Variants in TRHDE observed in about 807,000 individuals in gnomAD.
TRHDE encodes thyrotropin releasing hormone degrading enzyme.
In TRHDE, 72 loss-of-function variants were observed where a neutral mutation model predicts 125.7. The ratio of observed to expected loss-of-function variants is 0.57; its 90% CI spans 0.47 to 0.70. The LOEUF (loss-of-function observed/expected upper bound fraction) is 0.70. TRHDE is among the 30% of genes least tolerant of loss of function. The pLI, the probability that TRHDE is intolerant of heterozygous loss-of-function variation, is 0.00. For synonymous variants in TRHDE, 509 were observed against 509.1 expected (o/e 1.00, Z 0.00); for missense variants, 1,110 against 1,327.1 (o/e 0.84, Z 2.54).
intron 15 of TRHDE, among the ~76,000 whole-genome samples, chr12:72,629,987 A>C (rs1383819337): frequency 6.6e-6 from 1 of 150,854 alleles, no homozygotes; most frequent in African/African-American, 2.4e-5. Context: ...AATATGGTAA[A>C]ATATGGAAGC....
At chr12:72,201,229 T>G (rs1189739777) in intron 2 of TRHDE, among the ~76,000 whole-genome samples, 1 of 151,990 alleles carries the variant, frequency 6.6e-6, no homozygotes, top group Non-Finnish European at 1.5e-5. Context: ...ATAAAAATAA[T>G]TAAAGGATAA....
At chr12:72,512,636 T>A (rs1878657334) in intron 6 of TRHDE, among the ~76,000 whole-genome samples, 1 of 142,718 alleles carries the variant, frequency 7.0e-6, no homozygotes, top group Non-Finnish European at 1.5e-5. Context: ...TATCATATTA[T>A]CATATATAAT....
At chr12:72,660,106 G>A (rs1156293105) in intron 18 of TRHDE, among the ~76,000 whole-genome samples, 1 of 152,168 alleles carries the variant, frequency 6.6e-6, no homozygotes, top group Non-Finnish European at 1.5e-5. Flanking sequence ...TCATGGGACA[G>A]GGGGCCCTTC....
At chr12:72,513,820 G>A (rs1430803737) in intron 6 of TRHDE, among the ~76,000 whole-genome samples, 1 of 152,030 alleles carries the variant, frequency 6.6e-6, no homozygotes, top group Non-Finnish European at 1.5e-5. Context: ...CCGAAGGTGA[G>A]AAGTTTAATG....
At chr12:72,440,179 G>A (rs1481664131) in intron 3 of TRHDE, among the ~76,000 whole-genome samples, 2 of 151,802 alleles carry the variant, frequency 1.3e-5, no homozygotes, top group Non-Finnish European at 2.9e-5. Context: ...TGTTGAGGAT[G>A]TTTACATTTA....
chr12:72,267,361 C>G (rs535481296), intron 2 of TRHDE, among the ~76,000 whole-genome samples: 54 of 152,158 alleles, frequency 3.5e-4, no homozygotes, highest in African/African-American at 1.3e-3. Context: ...TACTAATTCT[C>G]TCTTTGGATA....
chr12:72,430,321 G>GTATATATACATGTATACATA (rs1325464830), intron 3 of TRHDE, among the ~76,000 whole-genome samples: 5 of 143,432 alleles, frequency 3.5e-5, no homozygotes, highest in East Asian at 2.0e-4. Flanking sequence ...ATATATACAT[G>GTATATATACATGTATACATA]TATACATATA....
At chr12:72,268,321 T>C (rs1195900462), upstream of TRHDE, among the ~76,000 whole-genome samples, 1 of 152,164 alleles carries the variant, frequency 6.6e-6, no homozygotes, top group Non-Finnish European at 1.5e-5. Context: ...CATTAAAGTT[T>C]TAGTTTTTAA....
intron 3 of TRHDE, among the ~76,000 whole-genome samples, chr12:72,386,756 T>G (rs1872435538): frequency 6.6e-6 from 1 of 152,218 alleles, no homozygotes; most frequent in South Asian, 2.1e-4. Context: ...GCCTCCACAC[T>G]GCTAAATCCA....
chr12:72,422,757 T>C (rs1182920242), intron 3 of TRHDE, among the ~76,000 whole-genome samples: 1 of 152,120 alleles, frequency 6.6e-6, no homozygotes, highest in Non-Finnish European at 1.5e-5. Context: ...ATTTATGTCT[T>C]GAAAATGTAA....
At chr12:72,096,422 A>G (rs182054257) in intron 1 of TRHDE, among the ~76,000 whole-genome samples, 3 of 152,206 alleles carry the variant, frequency 2.0e-5, no homozygotes, top group East Asian at 3.8e-4. Flanking sequence ...TTTCTTCCTC[A>G]GTTATGGAGA....
chr12:72,118,056 C>T (rs555181327), intron 2 of TRHDE, among the ~76,000 whole-genome samples: 6 of 151,798 alleles, frequency 4.0e-5, no homozygotes, highest in Admixed American at 3.3e-4. Flanking sequence ...TTTGGATATC[C>T]TTTCTTTCTG....
intron 10 of TRHDE, among the ~76,000 whole-genome samples, chr12:72,570,722 T>C (rs1032588471): frequency 6.6e-6 from 1 of 152,144 alleles, no homozygotes; most frequent in East Asian, 1.9e-4. Flanking sequence ...TCAAACCATA[T>C]GTTTGCCTAA....
intron 6 of TRHDE, among the ~76,000 whole-genome samples, chr12:72,539,068 C>T: frequency 6.6e-6 from 1 of 151,860 alleles, no homozygotes; most frequent in East Asian, 1.9e-4. Context: ...CATGCAAATG[C>T]CTTTTGTTTA....
At chr12:72,569,606 A>C (rs1354683040) in intron 10 of TRHDE, among the ~76,000 whole-genome samples, 1 of 152,216 alleles carries the variant, frequency 6.6e-6, no homozygotes, top group Non-Finnish European at 1.5e-5. Flanking sequence ...AAACGTTGTT[A>C]CAGTAAAATC....
At position 72,637,339 on chromosome 12, in the gene TRHDE, T is replaced by C. The variant is rs1450875052; in HGVS notation, c.2676-14983T>C. Among the ~76,000 whole-genome samples the C allele has an allele frequency of 2.4e-4, 37 of 152,286 alleles. 1 individual carries two copies. In the Middle Eastern group the frequency reaches 0.01, roughly 42 times the overall value. On this transcript the variant is annotated intron_variant, in intron 15 of 18. Transcript: ENST00000261180. ...ATGGTAGTTTGTATTTCTGTGGGAT[T>C]GGTGGTGATATCCCCTTTATCATCT... is the stretch of plus-strand genomic sequence containing the variant.
At chr12:72,134,536 C>T (rs1875938082) in intron 2 of TRHDE, among the ~76,000 whole-genome samples, 1 of 152,008 alleles carries the variant, frequency 6.6e-6, no homozygotes, top group Non-Finnish European at 1.5e-5. Flanking sequence ...AATGCATTGC[C>T]ATCAATATAT....
intron 1 of TRHDE, among the ~76,000 whole-genome samples, chr12:72,098,691 A>G (rs1786282756): frequency 6.6e-6 from 1 of 152,146 alleles, no homozygotes; most frequent in African/African-American, 2.4e-5. Flanking sequence ...AAGACTGTCT[A>G]GTCACTGGAA....
intron 3 of TRHDE, among the ~76,000 whole-genome samples, chr12:72,429,718 T>A (rs1874360425): frequency 6.6e-6 from 1 of 152,126 alleles, no homozygotes. Context: ...AATTATAGCC[T>A]ACTTAGTGTA....
Sources: allele counts gnomAD v4.1 joint callset (sites outside exome capture counted in the v4.1 genomes callset), GRCh38; gene constraint gnomAD v4.1.1; transcripts MANE v1.5; gene names NCBI Gene and HGNC (gene_info 2026-07-23, HGNC 2026-07-21).